THRB: variants seen among roughly 807,000 people sequenced by gnomAD.
THRB encodes the protein thyroid hormone receptor beta.
A neutral mutation model predicts 47.8 loss-of-function variants in THRB; 12 were observed. The observed-to-expected ratio is 0.25, with a 90% CI of 0.16 to 0.41. THRB has a LOEUF of 0.41. Ranked by LOEUF, THRB falls within the 10% of genes least tolerant of loss-of-function variation. THRB has a pLI of 1.00. For synonymous variants in THRB, 218 were observed against 212.2 expected (o/e 1.03, Z -0.24); for missense variants, 348 against 589.2 (o/e 0.59, Z 4.24).
At chr3:24,463,931 A>G (rs1209923624) in intron 1 of THRB, among the ~76,000 whole-genome samples, 1 of 152,192 alleles carries the variant, frequency 6.6e-6, no homozygotes, top group East Asian at 1.9e-4. Flanking sequence ...GACACTTTGA[A>G]AATGCAGTAA....
intron 5 of THRB, among the ~76,000 whole-genome samples, chr3:24,158,229 G>T (rs576780928): frequency 1.2e-4 from 18 of 152,242 alleles, no homozygotes; most frequent in East Asian, 3.9e-4. Context: ...GAACTAGAAA[G>T]GTAGCCCTAC....
chr3:24,254,389 T>TAA (rs776833610), intron 3 of THRB, among the ~76,000 whole-genome samples: 3 of 139,698 alleles, frequency 2.1e-5, no homozygotes, highest in African/African-American at 5.3e-5. Flanking sequence ...GACTCCATCT[T>TAA]AAAAAAAAAA....
rs57890674 is a variant in THRB at position 24,128,863 on chromosome 3, C to CTTTTTTTTTTTTTTTTTTTTTTTTTTT, written c.886-1107_886-1106insAAAAAAAAAAAAAAAAAAAAAAAAAAA. On this transcript the variant is annotated intron_variant, in intron 9 of 10. Coordinates refer to ENST00000646209, the MANE Select transcript of THRB (RefSeq NM_001354712.2). ...GCCAAGAGAAGAAGGAAACATAACT[C>CTTTTTTTTTTTTTTTTTTTTTTTTTTT]TTTTTTTTTTTTTTTTTTTTTTTTT... 3.4e-5 allele frequency among the ~76,000 whole-genome samples: 3 copies of CTTTTTTTTTTTTTTTTTTTTTTTTTTT among 87,060 alleles called. 1 individual carries two copies. The highest frequency in any genetic ancestry group is 3.1e-4 in the Admixed American group (2 of 6,510). 57.1% of individuals were successfully genotyped at this position (87,060 alleles called of 152,430 possible).
intron 1 of THRB, among the ~76,000 whole-genome samples, chr3:24,374,428 T>C (rs1202862803): frequency 1.3e-5 from 2 of 152,166 alleles, no homozygotes; most frequent in Non-Finnish European, 2.9e-5. Flanking sequence ...TTTGTATTTA[T>C]GTATAAAACA....
At chr3:24,445,739 T>A (rs564323018) in intron 1 of THRB, among the ~76,000 whole-genome samples, 1 of 152,290 alleles carries the variant, frequency 6.6e-6, no homozygotes, top group South Asian at 2.1e-4. Context: ...GCCCTTTGAT[T>A]GCCTCTCCTA....
At chr3:24,456,859 A>G (rs1297427042) in intron 1 of THRB, among the ~76,000 whole-genome samples, 3 of 152,040 alleles carry the variant, frequency 2.0e-5, no homozygotes, top group African/African-American at 7.2e-5. Context: ...TAGAGAGTAA[A>G]GAGGCAAAGG....
At chr3:24,454,648 G>A (rs551567918) in intron 1 of THRB, among the ~76,000 whole-genome samples, 1 of 152,260 alleles carries the variant, frequency 6.6e-6, no homozygotes, top group South Asian at 2.1e-4. Context: ...GATAGGAGAA[G>A]ATAAGTTTTA....
chr3:24,142,365 ATTG>A (rs2148991291), intron 8 of THRB, among the ~76,000 whole-genome samples: 1 of 152,338 alleles, frequency 6.6e-6, no homozygotes, highest in South Asian at 2.1e-4. Context: ...TGCTGGCACT[ATTG>A]TTTCATTACA....
At chr3:24,238,225 G>A (rs1444087326) in intron 3 of THRB, 1 of 138,814 alleles carries the variant, frequency 7.2e-6, no homozygotes, top group Non-Finnish European at 1.5e-5. Context: ...CTGGTGGAGA[G>A]TAGGGTAACT....
At chr3:24,444,799 G>A (rs543740485) in intron 1 of THRB, among the ~76,000 whole-genome samples, 3 of 152,176 alleles carry the variant, frequency 2.0e-5, no homozygotes, top group South Asian at 4.1e-4. Flanking sequence ...TGGTCAGGCC[G>A]GCTTGAACTC....
chr3:24,302,493 A>C (rs1263122940), intron 2 of THRB, among the ~76,000 whole-genome samples: 1 of 152,242 alleles, frequency 6.6e-6, no homozygotes, highest in Non-Finnish European at 1.5e-5. Flanking sequence ...AGTATACCAC[A>C]TACAACCGTG....
chr3:24,167,261 A>C (rs748947654), intron 5 of THRB, among the ~76,000 whole-genome samples: 1 of 152,202 alleles, frequency 6.6e-6, no homozygotes, highest in Admixed American at 6.5e-5. Flanking sequence ...AAGCAAAAGC[A>C]TGTTCGTCAG....
chr3:24,270,548 C>T (rs544019568), intron 3 of THRB, among the ~76,000 whole-genome samples: 10 of 152,320 alleles, frequency 6.6e-5, no homozygotes, highest in South Asian at 6.2e-4. Context: ...AAATTAGATA[C>T]GTCCCAGCCC....
At chr3:24,250,863 C>G (rs1258572837) in intron 3 of THRB, among the ~76,000 whole-genome samples, 1 of 151,964 alleles carries the variant, frequency 6.6e-6, no homozygotes, top group Non-Finnish European at 1.5e-5. Context: ...TAATGTTAAT[C>G]TAGGATCAGA....
intron 1 of THRB, among the ~76,000 whole-genome samples, chr3:24,472,689 G>A (rs1694885669): frequency 6.6e-6 from 1 of 152,142 alleles, no homozygotes; most frequent in Admixed American, 6.5e-5. Context: ...TTACTGTAAG[G>A]TAAGTAATTG....
At chr3:24,296,745 G>A (rs777187967) in intron 3 of THRB, among the ~76,000 whole-genome samples, 6 of 152,340 alleles carry the variant, frequency 3.9e-5, no homozygotes, top group Middle Eastern at 3.4e-3. Context: ...GCACCAAGGA[G>A]GGGGAGGATG....
chr3:24,468,623 T>A (rs1354282472), intron 1 of THRB, among the ~76,000 whole-genome samples: 1 of 152,200 alleles, frequency 6.6e-6, no homozygotes, highest in African/African-American at 2.4e-5. Flanking sequence ...ACTGAGTCAG[T>A]GCAGCAGTTA....
intron 8 of THRB, among the ~76,000 whole-genome samples, chr3:24,137,778 C>T (rs1321610845): frequency 6.6e-6 from 1 of 152,144 alleles, no homozygotes; most frequent in Admixed American, 6.5e-5. Flanking sequence ...ACGATGGTTA[C>T]TGCATGGAGA....
At position 24,424,237 on chromosome 3, in the gene THRB, G is replaced by A. The variant is rs550173860; in HGVS notation, c.-261+70415C>T. On this transcript the variant is annotated intron_variant, in intron 1 of 10. Transcript: ENST00000646209. ...CAGAGGTTTCAGTTAATTGTTCTGG[G>A]GCGGACATCAGGCAACAGGATTTTA... Among the ~76,000 whole-genome samples, 105 of 151,818 alleles carry A rather than the reference G, an allele frequency of 6.9e-4. 1 individual carries two copies. Among genetic ancestry groups the A allele is most frequent in the Middle Eastern group, 6.8e-3 (2 of 294 alleles).
Sources: allele counts gnomAD v4.1 joint callset (sites outside exome capture counted in the v4.1 genomes callset), GRCh38; gene constraint gnomAD v4.1.1; transcripts MANE v1.5; gene names NCBI Gene and HGNC (gene_info 2026-07-23, HGNC 2026-07-21).